The following TMC7 variants were observed in gnomAD, a reference collection of about 807,000 sequenced individuals.
TMC7 encodes the protein transmembrane channel-like protein 7.
A neutral mutation model predicts 82.9 loss-of-function variants in TMC7; 54 were observed. The ratio of observed to expected loss-of-function variants is 0.65; its 90% CI spans 0.52 to 0.82. The LOEUF (loss-of-function observed/expected upper bound fraction) is 0.82, where lower values mean the gene tolerates loss of function less well. TMC7 is among the 40% of genes least tolerant of loss of function. TMC7 has a pLI of 0.00. For missense variants in TMC7, 820 were observed against 901.2 expected, an observed-to-expected ratio of 0.91 and a Z score of 1.15; for synonymous variants, 350 against 337.9, an observed-to-expected ratio of 1.04 and a Z score of -0.39.
chr16:19,041,522 T>G (rs537175763), intron 9 of TMC7, among the ~76,000 whole-genome samples: 182 of 152,170 alleles, frequency 1.2e-3, no homozygotes, highest in African/African-American at 4.2e-3. Context: ...CGGGCCACCA[T>G]GCCTGGCTAA....
chr16:19,037,913 G>A lies in TMC7; in HGVS notation c.1045G>A (p.Glu349Lys), dbSNP rs765797337. 1.2e-6 allele frequency: 2 copies of A among 1,613,588 alleles called. No individual in the cohort carries two copies. Among genetic ancestry groups the A allele is most frequent in the South Asian group, 1.1e-5 (1 of 90,836 alleles). The change falls in exon 8 of 16, where the codon GAA becomes AAA. Residue 349 changes from glutamate (E) to lysine (K), a missense_variant. Physicochemically the swap from Glu to Lys is moderately conservative, Grantham distance 56 (BLOSUM62 1). This residue lies in a region of TMC7 where 650 missense variants were observed against 669.9 expected (regional missense o/e 0.97). Coordinates refer to ENST00000304381, the MANE Select transcript of TMC7 (RefSeq NM_024847.4). ...AGAAAGAATGCGGCAGAAAATAGCA[G>A]AAAGGACCTCAGAAGAAACAATACG... ...EEERMRQKIA[E>K]RTSEETIRIY...
At chr16:19,024,099 T>C (rs1960113379) in intron 5 of TMC7, among the ~76,000 whole-genome samples, 1 of 152,206 alleles carries the variant, frequency 6.6e-6, no homozygotes, top group Non-Finnish European at 1.5e-5. Flanking sequence ...TCTTTGCTTT[T>C]ATGGTAGTTG....
intron 11 of TMC7, 42 bp downstream of exon 11, chr16:19,045,480 C>A: frequency 7.6e-7 from 1 of 1,313,408 alleles, no homozygotes; most frequent in South Asian, 1.2e-5. Flanking sequence ...CCACCACACA[C>A]ATGCACACAC....
intron 2 of TMC7, among the ~76,000 whole-genome samples, chr16:19,013,430 T>A (rs1022980714): frequency 2.6e-5 from 4 of 151,910 alleles, no homozygotes; most frequent in African/African-American, 9.7e-5. Context: ...TTGGTCAGGC[T>A]GGTCTCAAAC....
At position 18,983,998 on chromosome 16, in the gene TMC7, A is replaced by AGGC. The variant is rs759500658; in HGVS notation, c.-47_-45dup. The AGGC allele has an allele frequency of 2.6e-3, 3,561 of 1,349,418 alleles. 66 individuals carry two copies. The African/African-American group carries it at 0.043, about 16-fold the overall frequency. 83.6% of individuals were successfully genotyped at this position (1,349,418 alleles called of 1,614,324 possible). A position where few individuals can be genotyped will look rare whatever the true frequency, so the allele number is the denominator to read the frequency against. ...CCGGCTCCGCGAGGGAAGGCCGGGGAGGCGGCGGCGGCGGCGGCGGCTGGA... is the reference window on the plus strand; with the variant it reads ...CCGGCTCCGCGAGGGAAGGCCGGGGAGGCGGCGGCGGCGGCGGCGGCGGCTGGA... On this transcript the variant is annotated 5_prime_UTR_variant, in exon 1 of 16. Coordinates refer to ENST00000304381, the MANE Select transcript of TMC7 (RefSeq NM_024847.4).
At chr16:19,020,013 C>T (rs1959888415) in intron 3 of TMC7, among the ~76,000 whole-genome samples, 1 of 152,122 alleles carries the variant, frequency 6.6e-6, no homozygotes, top group African/African-American at 2.4e-5. Context: ...CTATCCTCAG[C>T]AATTTAATCA....
At chr16:18,984,439 T>A (rs2142099274) in intron 1 of TMC7, 1 of 1,191,144 alleles carries the variant, frequency 8.4e-7, no homozygotes, top group African/African-American at 1.6e-5. Context: ...CATCTGCTGT[T>A]AAATGAAAGG....
intron 9 of TMC7, among the ~76,000 whole-genome samples, chr16:19,042,489 T>C (rs1311093713): frequency 6.7e-6 from 1 of 150,080 alleles, no homozygotes; most frequent in Non-Finnish European, 1.5e-5. Context: ...CCTTATTCTT[T>C]AAATTATTCC....
chr16:19,053,725 C>G (rs1267513867), intron 13 of TMC7, among the ~76,000 whole-genome samples: 1 of 151,502 alleles, frequency 6.6e-6, no homozygotes, highest in Non-Finnish European at 1.5e-5. Flanking sequence ...ATAGGAAATG[C>G]ATTCACATAG....
At chr16:19,032,929 A>G (rs1375821464) in intron 6 of TMC7, among the ~76,000 whole-genome samples, 1 of 152,138 alleles carries the variant, frequency 6.6e-6, no homozygotes, top group Non-Finnish European at 1.5e-5. Flanking sequence ...ACCCAGCCGA[A>G]TGAATAAGGT....
At chr16:19,031,438 G>C (rs1960511656) in intron 6 of TMC7, among the ~76,000 whole-genome samples, 1 of 152,150 alleles carries the variant, frequency 6.6e-6, no homozygotes, top group African/African-American at 2.4e-5. Flanking sequence ...CCCAAGAAAA[G>C]AGAAGAGTAT....
Position 19,009,234 on chromosome 16 carries a change from C to T in TMC7, c.130C>T (p.Pro44Ser), listed in dbSNP as rs777032842. The stretch of plus-strand genomic sequence containing the variant: ...ACCTGTGAACTTCCTCCAAGAATTG[C>T]CAAGCTACCGGTCCATTGCACGTAG... The part of the protein sequence containing the change: ...SPPVNFLQEL[P>S]SYRSIARRRT... The change falls in exon 2 of 16, where the codon CCA (proline) becomes TCA (serine). Residue 44 changes from proline to serine, a missense_variant. By Grantham distance (74) the Pro-to-Ser change is moderately conservative. Transcript: ENST00000304381. 1 of 1,614,164 alleles carries T rather than the reference C, an allele frequency of 6.2e-7. No homozygotes were observed. The highest frequency in any genetic ancestry group is 8.5e-7 in the Non-Finnish European group (1 of 1,180,038).
intron 15 of TMC7, among the ~76,000 whole-genome samples, chr16:19,060,862 C>T (rs1961974164): frequency 6.6e-6 from 1 of 151,338 alleles, no homozygotes; most frequent in Non-Finnish European, 1.5e-5. Context: ...TTTCAGCTCA[C>T]TGCAACCTCC....
chr16:19,047,479 C>T (rs1161629375), intron 12 of TMC7, among the ~76,000 whole-genome samples: 1 of 149,574 alleles, frequency 6.7e-6, no homozygotes, highest in East Asian at 2.0e-4. Flanking sequence ...CTCACTGCAA[C>T]CTCCCCCTCC....
At position 18,989,485 on chromosome 16, in the gene TMC7, C is replaced by T. The variant is rs193041091; in HGVS notation, c.67+5355C>T. ...ACTTTTCGGCCTCTGACCTTTGTAA[C>T]AATCTGGTTTCCTTTTAAAGGAGCA... On this transcript the variant is annotated intron_variant, in intron 1 of 15. Coordinates refer to ENST00000304381, the MANE Select transcript of TMC7 (RefSeq NM_024847.4). 8.0e-5 allele frequency among the ~76,000 whole-genome samples: 12 copies of T among 149,874 alleles called. No individual in the cohort carries two copies. In the East Asian group the frequency reaches 2.1e-3, roughly 27 times the overall value.
chr16:19,037,563 C>T (rs748682139), intron 7 of TMC7, among the ~76,000 whole-genome samples: 29 of 151,192 alleles, frequency 1.9e-4, no homozygotes, highest in Non-Finnish European at 1.3e-4. Flanking sequence ...CTCGAACTCC[C>T]GGGCTCAAGC....
rs181329575 is a variant in TMC7, at chr16:19,051,581, G to A, written c.1741-105G>A. 6,098 of 1,354,870 alleles carry A rather than the reference G, an allele frequency of 4.5e-3. 35 individuals carry two copies. The highest frequency in any genetic ancestry group is 6.8e-3 in the Middle Eastern group (31 of 4,582). 83.9% of individuals were successfully genotyped at this position (1,354,870 alleles called of 1,614,324 possible). On this transcript the variant is annotated intron_variant, in intron 12 of 15. Coordinates refer to ENST00000304381, the MANE Select transcript of TMC7 (RefSeq NM_024847.4). ...GTATTGCTGGACTACCCTCTGGAAAGGTTAGAGTGATTAACATTCCCACTG... is the reference window on the plus strand; with the variant it reads ...GTATTGCTGGACTACCCTCTGGAAAAGTTAGAGTGATTAACATTCCCACTG...
chr16:19,021,492 A>G (rs1168272791), intron 3 of TMC7, 137 bp from the exon 4 acceptor site: 1 of 907,200 alleles, frequency 1.1e-6, no homozygotes, highest in African/African-American at 1.7e-5. Context: ...AAAGCTAACA[A>G]TTGAGAAAAA....
At chr16:19,039,925 G>T (rs996541415) in intron 8 of TMC7, among the ~76,000 whole-genome samples, 5 of 151,960 alleles carry the variant, frequency 3.3e-5, no homozygotes, top group African/African-American at 1.2e-4. Context: ...AGACCAGCCT[G>T]ACCAACATGG....
Sources: allele counts gnomAD v4.1 joint callset (sites outside exome capture counted in the v4.1 genomes callset), GRCh38; gene constraint gnomAD v4.1.1; regional missense constraint gnomAD v4.1.1; transcripts MANE v1.5; gene names NCBI Gene and HGNC (gene_info 2026-07-23, HGNC 2026-07-21).